The following DDX52 variants were observed in gnomAD, a reference collection of about 807,000 sequenced individuals.
DDX52 encodes the protein DExD-box helicase 52.
Under a neutral mutation model 76.1 loss-of-function variants are expected in DDX52, and 59 were observed. The observed-to-expected ratio is 0.78, with a 90% CI of 0.63 to 0.96. The LOEUF is 0.96. Ranked by LOEUF, DDX52 falls within the 40% of genes least tolerant of loss-of-function variation. The pLI is 0.00. For synonymous variants in DDX52, 231 were observed against 244.1 expected (o/e 0.95, Z 0.50); for missense variants, 707 against 703.9 (o/e 1.00, Z -0.05).
At chr17:37,631,937 T>TG (rs2030701127) in intron 4 of DDX52, 176 bp downstream of exon 4, 1 of 725,666 alleles carries the variant, frequency 1.4e-6, no homozygotes, top group Admixed American at 2.6e-5. Context: ...CACATCTAGA[T>TG]GGAGTGATCA....
rs1373861083 is a variant in DDX52, at chr17:37,613,925, C to G, written c.*371G>C. On this transcript the variant is annotated 3_prime_UTR_variant, in exon 15 of 15. Transcript: ENST00000617633. ...GAAGTATCTCTCTGGATTCAAACCA[C>G]AGAAATGTCAATGAATGTTATTTCC... The G allele has an allele frequency of 1.2e-5, 2 of 172,008 alleles. No homozygotes were observed. Among genetic ancestry groups the G allele is most frequent in the Non-Finnish European group, 2.5e-5 (2 of 81,276 alleles). The allele number at this position is 172,008 out of a possible 1,614,324, so 10.7% of individuals were successfully genotyped here. A position where few individuals can be genotyped will look rare whatever the true frequency, so the allele number is the denominator to read the frequency against.
chr17:37,624,217 T>C, intron 9 of DDX52, 127 bp downstream of exon 9: 1 of 580,994 alleles, frequency 1.7e-6, no homozygotes, highest in Non-Finnish European at 3.0e-6. Flanking sequence ...TCTTATCAAT[T>C]TACCAATGGA....
At chr17:37,628,275 A>G (rs1190473637) in intron 6 of DDX52, among the ~76,000 whole-genome samples, 1 of 152,168 alleles carries the variant, frequency 6.6e-6, no homozygotes, top group East Asian at 1.9e-4. Context: ...ACTACAGGCT[A>G]GTAGCACTTC....
chr17:37,629,830 CTG>C (rs764827965), intron 5 of DDX52, among the ~76,000 whole-genome samples, 198 bp downstream of exon 5: 21 of 152,278 alleles, frequency 1.4e-4, no homozygotes, highest in Non-Finnish European at 2.5e-4. Flanking sequence ...ATTAAAATCA[CTG>C]TGTTTTAGAA....
At chr17:37,641,421 C>T (rs1309000607) in intron 2 of DDX52, among the ~76,000 whole-genome samples, 2 of 151,196 alleles carry the variant, frequency 1.3e-5, no homozygotes, top group Non-Finnish European at 3.0e-5. Context: ...AAATGCTCGA[C>T]CTCACCAGTT....
Position 37,621,496 on chromosome 17 carries a change from AAAC to A in DDX52, c.1249_1251del (p.Val417del), listed in dbSNP as rs765345695. On this transcript the variant is annotated inframe_deletion, in exon 10 of 15. Transcript: ENST00000617633. ...TTAGCCCTTTCAATGGACTGAACAA[AAAC>A]AAGAACAGGTGGATTGAAACCCTAA... The A allele has an allele frequency of 6.2e-7, 1 of 1,613,060 alleles. No homozygotes were observed. The highest frequency in any genetic ancestry group is 1.1e-5 in the South Asian group (1 of 90,718).
intron 12 of DDX52, 116 bp from the exon 13 acceptor site, chr17:37,619,955 T>G (rs1329627874): frequency 1.1e-6 from 1 of 940,668 alleles, no homozygotes; most frequent in Non-Finnish European, 1.6e-6. Flanking sequence ...ATCCACAAAG[T>G]GTTCTGATAT....
chr17:37,642,402 C>G, intron 1 of DDX52, 94 bp from the exon 2 acceptor site: 1 of 1,369,938 alleles, frequency 7.3e-7, no homozygotes, highest in African/African-American at 1.5e-5. Flanking sequence ...TCTTTTCTAC[C>G]CTTTCACCAA....
At chr17:37,621,342 C>T in intron 10 of DDX52, 56 bp downstream of exon 10, 1 of 1,595,014 alleles carries the variant, frequency 6.3e-7, no homozygotes, top group Non-Finnish European at 8.5e-7. Flanking sequence ...AATTTAATGT[C>T]AATAGTTTAA....
In DDX52 at chr17:37,621,268, T is replaced by C. The variant is rs1387678423; in HGVS notation, c.1360A>G (p.Thr454Ala). The change falls in exon 11 of 15, where the codon ACA (threonine) becomes GCA (alanine). Residue 454 changes from threonine (T) to alanine (A), a missense_variant. By Grantham distance (58) the Thr-to-Ala change is moderately conservative. Transcript: ENST00000617633. Reference protein sequence around the residue: ...AERTQQQRDNTVHSFRAGKIW... With the variant: ...AERTQQQRDNAVHSFRAGKIW... ...TTTCCTGCTCTGAAACTGTGGACTG[T>C]GTTATCTCTCTGGTTAACAGAATAT... 3.1e-6 allele frequency: 5 copies of C among 1,610,754 alleles called. No homozygotes were observed. In the South Asian group the frequency reaches 4.4e-5, roughly 14 times the overall value.
At chr17:37,628,185 T>C (rs940339396) in intron 6 of DDX52, among the ~76,000 whole-genome samples, 26 of 152,162 alleles carry the variant, frequency 1.7e-4, no homozygotes, top group African/African-American at 6.0e-4. Flanking sequence ...GTTACCACTT[T>C]GGGCCACTAA....
intron 1 of DDX52, chr17:37,642,714 A>C (rs1477445986): frequency 4.8e-6 from 1 of 207,086 alleles, no homozygotes; most frequent in Non-Finnish European, 9.6e-6. Context: ...CAGAGTTCAT[A>C]CTCACCAGTT....
intron 6 of DDX52, among the ~76,000 whole-genome samples, chr17:37,627,709 GAAA>G (rs10673620): frequency 2.3e-4 from 30 of 131,424 alleles, no homozygotes; most frequent in African/African-American, 8.1e-4. Flanking sequence ...AAAACAAAAA[GAAA>G]AAAAAAAAAA....
chr17:37,624,416 A>G lies in DDX52; in HGVS notation c.1155T>C (p.Thr385=). ...CAACAAAGAGAAGCTCTTGTTCTAC[A>G]GTTTCTACTGCAGAATTCCTGGGAA... ...SIGARNSAVE[T]VEQELLFVGS... The change falls in exon 9 of 15, where the codon ACT becomes ACC. Residue 385 remains threonine (T), a synonymous_variant. Transcript: ENST00000617633. The G allele has an allele frequency of 6.2e-7, 1 of 1,604,610 alleles. No homozygotes were observed. The highest frequency in any genetic ancestry group is 8.5e-7 in the Non-Finnish European group (1 of 1,174,032).
chr17:37,621,704 C>G (rs1050091507), intron 9 of DDX52, among the ~76,000 whole-genome samples, 184 bp from the exon 10 acceptor site: 2 of 152,174 alleles, frequency 1.3e-5, no homozygotes, highest in African/African-American at 4.8e-5. Flanking sequence ...TTGGTTATTT[C>G]CACTCAACTT....
At chr17:37,628,056 A>T (rs551123385) in intron 6 of DDX52, among the ~76,000 whole-genome samples, 1 of 152,172 alleles carries the variant, frequency 6.6e-6, no homozygotes, top group Non-Finnish European at 1.5e-5. Flanking sequence ...ATAGGTATGG[A>T]GAAGATTACA....
rs775236516 is a variant in DDX52, at chr17:37,619,825, A to T, written c.1592T>A (p.Ile531Lys). ...KPLLRSVANVIQQAGCPVPEY... is the reference protein window; with the variant it reads ...KPLLRSVANVKQQAGCPVPEY... ...TGGTACAGGACACCCAGCCTGCTGT[A>T]TAACATTAGCAACGCTGAAAAAGAA... The change falls in exon 13 of 15, where the codon ATA (isoleucine) becomes AAA (lysine). Residue 531 changes from isoleucine (I) to lysine (K), a missense_variant. Physicochemically the swap from Ile to Lys is moderately radical, Grantham distance 102. Transcript: ENST00000617633. The T allele has an allele frequency of 6.2e-7, 1 of 1,613,778 alleles. No individual in the cohort carries two copies. The highest frequency in any genetic ancestry group is 1.7e-5 in the Admixed American group (1 of 59,880).
At position 37,625,964 on chromosome 17, in the gene DDX52, A is replaced by G; in HGVS notation, c.1067T>C (p.Phe356Ser). The change falls in exon 8 of 15, where the codon TTT becomes TCT. Residue 356 changes from phenylalanine to serine, a missense_variant. By Grantham distance (155) the Phe-to-Ser change is radical. Coordinates refer to ENST00000617633, the MANE Select transcript of DDX52 (RefSeq NM_007010.5). ...GCACCACTGTTCAACATCATATGCA[A>G]AAGTTGCACTGAACATAGCTCTTCG... is the stretch of plus-strand genomic sequence containing the variant. ...KVRRAMFSAT[F>S]AYDVEQWCKL... 6.2e-7 allele frequency: 1 copy of G among 1,614,206 alleles called. No homozygotes were observed. Among genetic ancestry groups the G allele is most frequent in the South Asian group, 1.1e-5 (1 of 91,082 alleles).
intron 14 of DDX52, 76 bp from the exon 15 acceptor site, chr17:37,614,429 T>A: frequency 7.1e-7 from 1 of 1,401,572 alleles, no homozygotes; most frequent in Non-Finnish European, 9.8e-7. Context: ...ACCACCAGTT[T>A]AATAAACATT....
Sources: gnomAD v4.1 joint callset for allele counts (sites outside exome capture counted in the v4.1 genomes callset) on GRCh38, gnomAD v4.1.1 for gene constraint, MANE v1.5 for transcripts, NCBI Gene and HGNC (gene_info 2026-07-23, HGNC 2026-07-21) for gene names.